The following INO80 variants were observed in gnomAD, a reference collection of about 807,000 sequenced individuals.
INO80 encodes chromatin-remodeling ATPase INO80.
In INO80, 20 loss-of-function variants were observed where a neutral mutation model predicts 203.4. The ratio of observed to expected loss-of-function variants is 0.10; its 90% confidence interval spans 0.07 to 0.14. INO80 has a LOEUF of 0.14. Among genes scored for constraint, INO80 ranks in the 10% least tolerant of loss-of-function variants. The probability of loss-of-function intolerance (pLI) is 1.00; values close to 1 mark genes in which losing one functional copy is unlikely to be tolerated. For synonymous variants in INO80, 726 were observed against 685.2 expected (o/e 1.06, Z -0.93); for missense variants, 1,419 against 1,914.4 (o/e 0.74, Z 4.83).
intron 12 of INO80, among the ~76,000 whole-genome samples, chr15:41,071,611 T>C (rs1405014997): frequency 5.3e-5 from 8 of 151,906 alleles, no homozygotes; most frequent in African/African-American, 1.9e-4. Context: ...TGCACCACCA[T>C]GCCAGGCTAA....
At chr15:41,021,198 C>T (rs2044288977) in intron 25 of INO80, 73 bp from the exon 26 acceptor site, 3 of 1,012,290 alleles carry the variant, frequency 3.0e-6, no homozygotes, top group South Asian at 2.8e-5. Context: ...GGAACCTCAA[C>T]TTTGAAATCA....
intron 7 of INO80, among the ~76,000 whole-genome samples, chr15:41,084,865 T>C (rs950886788): frequency 4.6e-5 from 7 of 152,152 alleles, no homozygotes; most frequent in Non-Finnish European, 2.9e-5. Flanking sequence ...GCCACTTGCA[T>C]AGGGAGGGCT....
At chr15:41,036,535 A>C (rs1313753729) in intron 24 of INO80, among the ~76,000 whole-genome samples, 1 of 123,410 alleles carries the variant, frequency 8.1e-6, no homozygotes, top group Non-Finnish European at 1.9e-5. Flanking sequence ...TCTTCACAAA[A>C]TTCTATTTAA....
At chr15:41,091,723 C>T (rs952258495) in intron 5 of INO80, among the ~76,000 whole-genome samples, 2 of 140,950 alleles carry the variant, frequency 1.4e-5, no homozygotes, top group Admixed American at 7.7e-5. Context: ...GCTGTGATCT[C>T]GGCTCACTGC....
At chr15:41,090,793 C>A (rs1234229045) in intron 5 of INO80, among the ~76,000 whole-genome samples, 2 of 151,082 alleles carry the variant, frequency 1.3e-5, no homozygotes, top group Non-Finnish European at 2.9e-5. Flanking sequence ...AATTACATCT[C>A]AATAAAGCTG....
intron 28 of INO80, among the ~76,000 whole-genome samples, chr15:41,002,623 T>A (rs576634454): frequency 6.6e-6 from 1 of 152,324 alleles, no homozygotes; most frequent in South Asian, 2.1e-4. Flanking sequence ...GAAATATACA[T>A]AGTCTTAAAT....
chr15:40,991,410 G>A (rs1262887595), intron 29 of INO80, among the ~76,000 whole-genome samples: 17 of 152,230 alleles, frequency 1.1e-4, no homozygotes, highest in African/African-American at 3.1e-4. Context: ...TGAATTAACC[G>A]TGATGTGAAC....
chr15:40,984,333 A>C lies in INO80; in HGVS notation c.3941T>G (p.Leu1314Trp). 6.2e-7 allele frequency: 1 copy of C among 1,614,094 alleles called. No homozygotes were observed. The highest frequency in any genetic ancestry group is 8.5e-7 in the Non-Finnish European group (1 of 1,179,976). ...YAEKKKKEDELDGKRRKEGVN... is the reference protein window; with the variant it reads ...YAEKKKKEDEWDGKRRKEGVN... ...ACCCTCTTTTCTCCTTTTCCCATCCAATTCATCTTCTTTTTTCTTCTGGGA... is the reference window on the plus strand; with the variant it reads ...ACCCTCTTTTCTCCTTTTCCCATCCCATTCATCTTCTTTTTTCTTCTGGGA... The change falls in exon 33 of 36, where the codon TTG becomes TGG. Residue 1314 changes from leucine (L) to tryptophan (W), a missense_variant. Leu to Trp is a moderately conservative substitution (Grantham distance 61). Coordinates refer to ENST00000648947, the MANE Select transcript of INO80 (RefSeq NM_017553.3).
chr15:41,099,502 C>A (rs1386109947), intron 1 of INO80, among the ~76,000 whole-genome samples: 1 of 151,858 alleles, frequency 6.6e-6, no homozygotes, highest in Non-Finnish European at 1.5e-5. Flanking sequence ...ATACTTTTGG[C>A]CAGGAGCAGT....
chr15:40,998,937 G>T (rs1004747911), intron 28 of INO80, among the ~76,000 whole-genome samples: 1 of 151,692 alleles, frequency 6.6e-6, no homozygotes, highest in Non-Finnish European at 1.5e-5. Context: ...TTCCAGGCGT[G>T]AGCCACTGTG....
At chr15:41,075,767 T>A (rs887294664) in intron 9 of INO80, among the ~76,000 whole-genome samples, 2 of 151,944 alleles carry the variant, frequency 1.3e-5, no homozygotes, top group African/African-American at 4.8e-5. Context: ...ATTGTTGTAT[T>A]TTTTTAGTAG....
At chr15:41,071,005 C>CA (rs1425569778) in intron 12 of INO80, among the ~76,000 whole-genome samples, 2 of 152,076 alleles carry the variant, frequency 1.3e-5, no homozygotes, top group Non-Finnish European at 2.9e-5. Flanking sequence ...CCCGTTTCTA[C>CA]AAAAAATACA....
chr15:41,054,595 C>G (rs988577658), intron 18 of INO80, among the ~76,000 whole-genome samples: 6 of 151,986 alleles, frequency 3.9e-5, no homozygotes, highest in Non-Finnish European at 7.4e-5. Flanking sequence ...AAGCTTTGAC[C>G]CATTAGACCC....
intron 29 of INO80, among the ~76,000 whole-genome samples, chr15:40,995,901 ATG>A (rs1223202186): frequency 6.6e-6 from 1 of 152,212 alleles, no homozygotes; most frequent in Admixed American, 6.5e-5. Flanking sequence ...GATGCTGATG[ATG>A]TACAGCTACC....
At chr15:41,102,090 C>T (rs2045817315) in intron 1 of INO80, among the ~76,000 whole-genome samples, 1 of 152,042 alleles carries the variant, frequency 6.6e-6, no homozygotes, top group Non-Finnish European at 1.5e-5. Context: ...ACTCAGGAGG[C>T]TGAGGCAGGA....
Position 41,027,585 on chromosome 15 carries a change from G to A in INO80, c.3048+11C>T, listed in dbSNP as rs1468571191. The A allele has an allele frequency of 1.3e-6, 2 of 1,590,618 alleles. No homozygotes were observed. Among genetic ancestry groups the A allele is most frequent in the Non-Finnish European group, 1.7e-6 (2 of 1,168,020 alleles). On this transcript the variant is annotated intron_variant, in intron 25 of 35. Transcript: ENST00000648947. ...CCATCTATTTCATCTCTTCCCTCCT[G>A]GAGCACTTACTCGTGGACTGGCCAC... is the stretch of plus-strand genomic sequence containing the variant.
At position 40,996,321 on chromosome 15, in the gene INO80, A is replaced by G. The variant is rs536898132; in HGVS notation, c.3570+1208T>C. Among the ~76,000 whole-genome samples the G allele has an allele frequency of 3.0e-4, 45 of 152,256 alleles. No individual in the cohort carries two copies. The South Asian group carries it at 9.1e-3, about 31-fold the overall frequency. ...ATCTTAGCAATAATTTTGAGATTCA[A>G]AAAGAATCCTCTTTTCTTTTTGAGA... On this transcript the variant is annotated intron_variant, in intron 29 of 35. Coordinates refer to ENST00000648947, the MANE Select transcript of INO80 (RefSeq NM_017553.3).
At chr15:41,079,997 A>G (rs1439098352) in intron 8 of INO80, 93 bp from the exon 9 acceptor site, 2 of 1,081,048 alleles carry the variant, frequency 1.9e-6, no homozygotes, top group Non-Finnish European at 2.8e-6. Context: ...CAATCTGTTC[A>G]GCCAAACTGT....
chr15:41,087,566 A>C lies in INO80; in HGVS notation c.654T>G (p.Leu218=), dbSNP rs576512040. The C allele has an allele frequency of 1.2e-6, 2 of 1,613,670 alleles. No homozygotes were observed. Among genetic ancestry groups the C allele is most frequent in the Admixed American group, 1.7e-5 (1 of 59,954 alleles). Residue 218 remains leucine, a synonymous_variant, in exon 6 of 36, where the codon CTT becomes CTG. Coordinates refer to ENST00000648947, the MANE Select transcript of INO80 (RefSeq NM_017553.3). ...KKKKFKEEKK[L]KAKLKKVKKK... ...AAGGCAGTTCAACATGCTCACCTTTAAGTTTCTTTTCCTCCTTAAATTTCT... is the reference window on the plus strand; with the variant it reads ...AAGGCAGTTCAACATGCTCACCTTTCAGTTTCTTTTCCTCCTTAAATTTCT...
Sources: allele counts gnomAD v4.1 joint callset (sites outside exome capture counted in the v4.1 genomes callset), GRCh38; gene constraint gnomAD v4.1.1; transcripts MANE v1.5; gene names NCBI Gene and HGNC (gene_info 2026-07-23, HGNC 2026-07-21).